The following ZBTB43 variants were observed in gnomAD, a reference collection of about 807,000 sequenced individuals.
ZBTB43 encodes zinc finger and BTB domain-containing protein 43.
A neutral mutation model predicts 31.1 loss-of-function variants in ZBTB43; 6 were observed. The ratio of observed to expected loss-of-function variants is 0.19; its 90% CI spans 0.11 to 0.38. The LOEUF (loss-of-function observed/expected upper bound fraction) is 0.38, where lower values mean the gene tolerates loss of function less well. Among genes scored for constraint, ZBTB43 ranks in the 10% least tolerant of loss-of-function variants. The probability of loss-of-function intolerance (pLI) is 1.00; values close to 1 mark genes in which losing one functional copy is unlikely to be tolerated. For synonymous variants in ZBTB43, 212 were observed against 221.7 expected, an observed-to-expected ratio of 0.96 and a Z score of 0.39; for missense variants, 379 against 602.1, an observed-to-expected ratio of 0.63 and a Z score of 3.88.
intron 2 of ZBTB43, among the ~76,000 whole-genome samples, chr9:126,810,182 G>C (rs2119109239): frequency 6.6e-6 from 1 of 151,574 alleles, no homozygotes; most frequent in South Asian, 2.1e-4. Flanking sequence ...TTGTTCATTT[G>C]TTTGTTTATT....
At chr9:126,824,079 T>A (rs1223345120) in intron 2 of ZBTB43, among the ~76,000 whole-genome samples, 1 of 151,962 alleles carries the variant, frequency 6.6e-6, no homozygotes, top group Non-Finnish European at 1.5e-5. Flanking sequence ...CAGGCTGGAG[T>A]GCAGTGGCGC....
intron 2 of ZBTB43, among the ~76,000 whole-genome samples, chr9:126,816,482 G>A (rs956682629): frequency 7.9e-5 from 12 of 152,050 alleles, no homozygotes; most frequent in Admixed American, 3.3e-4. Context: ...TGTTTAAAAT[G>A]TACTCTTTGT....
At position 126,834,128 on chromosome 9, in the gene ZBTB43, G is replaced by A. The variant is rs780026073; in HGVS notation, c.*215G>A. On this transcript the variant is annotated 3_prime_UTR_variant, in exon 3 of 3. Coordinates refer to ENST00000373464, the MANE Select transcript of ZBTB43 (RefSeq NM_014007.4). ...AGTCCTGGCCTGGAATGGGTAATGGGGTGAGTTAACCCACCGCCCAGCTGG... is the reference window on the plus strand; with the variant it reads ...AGTCCTGGCCTGGAATGGGTAATGGAGTGAGTTAACCCACCGCCCAGCTGG... The A allele has an allele frequency of 3.0e-5, 15 of 500,236 alleles. No homozygotes were observed. The East Asian group carries it at 5.0e-4, about 17-fold the overall frequency. 31.0% of individuals were successfully genotyped at this position (500,236 alleles called of 1,614,324 possible). A position where few individuals can be genotyped will look rare whatever the true frequency, so the allele number is the denominator to read the frequency against.
chr9:126,826,273 A>G (rs568967054), intron 2 of ZBTB43, among the ~76,000 whole-genome samples: 2 of 149,302 alleles, frequency 1.3e-5, no homozygotes, highest in South Asian at 4.3e-4. Flanking sequence ...CGGCCTCCCA[A>G]AGTGCTGGGA....
rs2032830654 is a variant in ZBTB43 at position 126,834,144 on chromosome 9, G to GC, written c.*234dup. The GC allele has an allele frequency of 2.4e-6, 1 of 418,316 alleles. No homozygotes were observed. Among genetic ancestry groups the GC allele is most frequent in the African/African-American group, 2.0e-5 (1 of 49,606 alleles). 25.9% of individuals were successfully genotyped at this position (418,316 alleles called of 1,614,324 possible). A position where few individuals can be genotyped will look rare whatever the true frequency, so the allele number is the denominator to read the frequency against. On this transcript the variant is annotated 3_prime_UTR_variant, in exon 3 of 3. Coordinates refer to ENST00000373464, the MANE Select transcript of ZBTB43 (RefSeq NM_014007.4). ...GGGTAATGGGGTGAGTTAACCCACC[G>GC]CCCAGCTGGCAAGGGAAACCTTCTG...
intron 2 of ZBTB43, among the ~76,000 whole-genome samples, chr9:126,828,253 G>A (rs1479877364): frequency 2.0e-5 from 3 of 151,012 alleles, no homozygotes; most frequent in African/African-American, 2.4e-5. Flanking sequence ...GCGCGATCTC[G>A]GCTCACTGCA....
chr9:126,829,692 GAT>G (rs769817854), intron 2 of ZBTB43, among the ~76,000 whole-genome samples: 45 of 59,086 alleles, frequency 7.6e-4, no homozygotes, highest in Admixed American at 3.2e-3. Flanking sequence ...TGATGGGAGA[GAT>G]TTTTTTTTTT....
intron 2 of ZBTB43, among the ~76,000 whole-genome samples, chr9:126,810,593 C>G (rs572638498): frequency 6.6e-6 from 1 of 151,138 alleles, no homozygotes; most frequent in African/African-American, 2.4e-5. Flanking sequence ...CTCTGCCTCC[C>G]GGGTTCAAGT....
At chr9:126,817,668 G>A (rs1423871850) in intron 2 of ZBTB43, among the ~76,000 whole-genome samples, 1 of 151,762 alleles carries the variant, frequency 6.6e-6, no homozygotes, top group African/African-American at 2.4e-5. Flanking sequence ...AGTAGAGATG[G>A]GGTTTCACTG....
intron 2 of ZBTB43, chr9:126,831,474 G>A (rs2032761570): frequency 6.6e-6 from 1 of 151,952 alleles, no homozygotes; most frequent in Non-Finnish European, 1.5e-5. Context: ...CTACACTCCA[G>A]CCTGGGTAAA....
rs1427969468 is a variant in ZBTB43, at chr9:126,835,093, C to G, written c.*1180C>G. 6.0e-6 allele frequency: 1 copy of G among 167,008 alleles called. No homozygotes were observed. Among genetic ancestry groups the G allele is most frequent in the Non-Finnish European group, 1.5e-5 (1 of 68,104 alleles). The allele number at this position is 167,008 out of a possible 1,614,324, so 10.3% of individuals were successfully genotyped here. The stretch of plus-strand genomic sequence containing the variant: ...GTACACTGAGCTAATACTACCAGTT[C>G]TTTATGAGCACTGGAATGTGTTTGT... On this transcript the variant is annotated 3_prime_UTR_variant, in exon 3 of 3. Coordinates refer to ENST00000373464, the MANE Select transcript of ZBTB43 (RefSeq NM_014007.4).
chr9:126,809,780 A>G (rs924193022), intron 2 of ZBTB43, among the ~76,000 whole-genome samples: 7 of 152,088 alleles, frequency 4.6e-5, no homozygotes, highest in Admixed American at 4.6e-4. Context: ...TTGTTTTAGA[A>G]CTGTTGCTAT....
Position 126,814,661 on chromosome 9 carries a change from T to C in ZBTB43, c.-24+5746T>C, listed in dbSNP as rs540993839. 1.4e-3 allele frequency among the ~76,000 whole-genome samples: 213 copies of C among 152,070 alleles called. 1 individual carries two copies. The highest frequency in any genetic ancestry group is 3.4e-3 in the Middle Eastern group (1 of 294). On this transcript the variant is annotated intron_variant, in intron 2 of 2. Coordinates refer to ENST00000373464, the MANE Select transcript of ZBTB43 (RefSeq NM_014007.4). ...ACAAAAAATTAGCCGGGCATGGTGG[T>C]GGATGCCCGTAGTCCCAGCTACTTG...
At chr9:126,812,056 G>A (rs944156505) in intron 2 of ZBTB43, among the ~76,000 whole-genome samples, 1 of 151,846 alleles carries the variant, frequency 6.6e-6, no homozygotes, top group Non-Finnish European at 1.5e-5. Context: ...TCCCCTCAAA[G>A]AAACCCAGTT....
chr9:126,830,384 G>A (rs1035556124), intron 2 of ZBTB43, among the ~76,000 whole-genome samples: 2 of 152,188 alleles, frequency 1.3e-5, no homozygotes, highest in Non-Finnish European at 2.9e-5. Context: ...AGTGGCTCAC[G>A]CCTGTCATTC....
intron 2 of ZBTB43, among the ~76,000 whole-genome samples, chr9:126,823,617 A>G (rs1385856341): frequency 5.3e-5 from 8 of 152,304 alleles, no homozygotes; most frequent in South Asian, 2.1e-4. Context: ...TCACTTTACA[A>G]TTTAGCTATT....
chr9:126,805,935 G>A (rs892013493), intron 1 of ZBTB43, among the ~76,000 whole-genome samples: 10 of 152,220 alleles, frequency 6.6e-5, no homozygotes, highest in African/African-American at 2.4e-4. Context: ...CCCTGCACTG[G>A]TGACACTCTC....
chr9:126,811,695 G>T (rs2032253177), intron 2 of ZBTB43, among the ~76,000 whole-genome samples: 1 of 152,028 alleles, frequency 6.6e-6, no homozygotes, highest in African/African-American at 2.4e-5. Context: ...GGGTAATCTT[G>T]GCTCACTGCA....
Position 126,833,621 on chromosome 9 carries a change from A to G in ZBTB43, c.1112A>G (p.Lys371Arg). The G allele has an allele frequency of 6.2e-7, 1 of 1,614,050 alleles. No individual in the cohort carries two copies. The highest frequency in any genetic ancestry group is 8.5e-7 in the Non-Finnish European group (1 of 1,179,920). ...CACTTAGGATTCTCAGCCACTGACA[A>G]GCTGTATCCTTGTCAGTGTGGGAAA... is the stretch of plus-strand genomic sequence containing the variant. ...ASHLGFSATD[K>R]LYPCQCGKSF... Residue 371 changes from lysine (K) to arginine (R), a missense_variant, in exon 3 of 3, where the codon AAG becomes AGG. Coordinates refer to ENST00000373464, the MANE Select transcript of ZBTB43 (RefSeq NM_014007.4). The surrounding 1 kb of genome is among the most constrained non-coding windows in gnomAD (Gnocchi z 7.9).
Sources: allele counts gnomAD v4.1 joint callset (sites outside exome capture counted in the v4.1 genomes callset), GRCh38; gene constraint gnomAD v4.1.1; non-coding constraint Gnocchi (gnomAD v3.1); transcripts MANE v1.5; gene names NCBI Gene and HGNC (gene_info 2026-07-23, HGNC 2026-07-21).